Variants in INTU observed in about 807,000 individuals in gnomAD.
INTU encodes the protein inturned planar cell polarity protein, also known as protein inturned.
In INTU, 68 loss-of-function variants were observed where a neutral mutation model predicts 100.5. That is an observed-to-expected ratio of 0.68 (90% CI 0.56 to 0.83). The LOEUF (loss-of-function observed/expected upper bound fraction) is 0.83, where lower values mean the gene tolerates loss of function less well. Among genes scored for constraint, INTU ranks in the 40% least tolerant of loss-of-function variants. INTU has a pLI of 0.00. For synonymous variants in INTU, 357 were observed against 395.7 expected, an observed-to-expected ratio of 0.90 and a Z score of 1.16; for missense variants, 1,071 against 1,114.7, an observed-to-expected ratio of 0.96 and a Z score of 0.56.
chr4:127,691,322 T>C (rs1730112042), intron 8 of INTU, among the ~76,000 whole-genome samples: 2 of 152,148 alleles, frequency 1.3e-5, no homozygotes, highest in South Asian at 4.1e-4. Context: ...GAATGTTTAG[T>C]TTTGTAAGAA....
At position 127,633,085 on chromosome 4, in the gene INTU, T is replaced by A; in HGVS notation, c.51T>A (p.Pro17=). Residue 17 remains proline, a synonymous_variant, in exon 1 of 16, where the codon CCT becomes CCA. Coordinates refer to ENST00000335251, the MANE Select transcript of INTU (RefSeq NM_015693.4). The stretch of plus-strand genomic sequence containing the variant: ...CGCGTCCGAGCTCAGACGAGCTCCC[T>A]GGAGACCCCTCTTCACAAGAAGAAG... ...CDSRPSSDEL[P]GDPSSQEEDE... The A allele has an allele frequency of 8.7e-6, 14 of 1,614,060 alleles. No homozygotes were observed. The highest frequency in any genetic ancestry group is 1.2e-5 in the Non-Finnish European group (14 of 1,179,886).
chr4:127,724,151 G>T lies in INTU; in HGVS notation c.*7715G>T, dbSNP rs929404490. On this transcript the variant is annotated 3_prime_UTR_variant, in exon 16 of 16. Coordinates refer to ENST00000335251, the MANE Select transcript of INTU (RefSeq NM_015693.4). ...TACTAATTTTTGGCCGGGCACGGTG[G>T]TGGCTCACGCCTGTAATCCCAGCAC... 1 of 152,050 alleles carries T rather than the reference G, an allele frequency of 6.6e-6. No individual in the cohort carries two copies. Among genetic ancestry groups the T allele is most frequent in the African/African-American group, 2.4e-5 (1 of 41,380 alleles). The allele number at this position is 152,050 out of a possible 1,614,324, so 9.4% of individuals were successfully genotyped here.
At chr4:127,667,623 G>T (rs1176146772) in intron 4 of INTU, among the ~76,000 whole-genome samples, 1 of 151,994 alleles carries the variant, frequency 6.6e-6, no homozygotes, top group Admixed American at 6.6e-5. Flanking sequence ...TTAAAGTAGT[G>T]TATGGTATTT....
chr4:127,679,535 A>C (rs1395881239), intron 6 of INTU, among the ~76,000 whole-genome samples: 1 of 152,202 alleles, frequency 6.6e-6, no homozygotes, highest in African/African-American at 2.4e-5. Flanking sequence ...GGCAGAAATA[A>C]AGATGTTCTT....
chr4:127,662,358 G>A (rs548154725), intron 3 of INTU, among the ~76,000 whole-genome samples: 21 of 152,158 alleles, frequency 1.4e-4, no homozygotes, highest in Middle Eastern at 6.8e-3. Context: ...GCCTATGCCA[G>A]TATCCAAAGA....
intron 6 of INTU, among the ~76,000 whole-genome samples, chr4:127,677,713 C>T (rs191850640): frequency 3.8e-4 from 58 of 152,268 alleles, no homozygotes; most frequent in African/African-American, 7.2e-5. Context: ...TCCAAAGGAA[C>T]GCAGCTCCTC....
intron 6 of INTU, among the ~76,000 whole-genome samples, chr4:127,681,614 A>G (rs1490432645): frequency 6.6e-6 from 1 of 152,248 alleles, no homozygotes; most frequent in East Asian, 1.9e-4. Flanking sequence ...AAGATGGATT[A>G]AAGACTTAAA....
chr4:127,684,532 C>A, intron 7 of INTU, 46 bp downstream of exon 7: 1 of 1,102,180 alleles, frequency 9.1e-7, no homozygotes, highest in Non-Finnish European at 1.3e-6. Flanking sequence ...TTATGTGATT[C>A]TAAGTCATCT....
intron 1 of INTU, among the ~76,000 whole-genome samples, chr4:127,641,381 G>T (rs1424961305): frequency 6.6e-6 from 1 of 152,160 alleles, no homozygotes; most frequent in Non-Finnish European, 1.5e-5. Context: ...CATTTACTCT[G>T]ACAACTGCAG....
chr4:127,657,919 C>T (rs1242142331), intron 3 of INTU, among the ~76,000 whole-genome samples: 1 of 151,964 alleles, frequency 6.6e-6, no homozygotes, highest in Non-Finnish European at 1.5e-5. Context: ...GTCCCCCAAC[C>T]CTGGTCTGTG....
chr4:127,697,946 C>T (rs1404385317), intron 8 of INTU, among the ~76,000 whole-genome samples: 3 of 152,084 alleles, frequency 2.0e-5, no homozygotes, highest in Non-Finnish European at 4.4e-5. Context: ...CATGGAGAAA[C>T]CCCGTCTCTA....
intron 6 of INTU, among the ~76,000 whole-genome samples, chr4:127,679,061 A>G (rs1729379506): frequency 6.6e-6 from 1 of 152,072 alleles, no homozygotes; most frequent in South Asian, 2.1e-4. Context: ...AACTATCCTA[A>G]ATATATATGC....
chr4:127,721,556 A>G lies in INTU; in HGVS notation c.*5120A>G, dbSNP rs933199052. On this transcript the variant is annotated 3_prime_UTR_variant, in exon 16 of 16. Transcript: ENST00000335251. ...GAAGTTTTCCTGGATGATATCCAGA[A>G]GTGTGTTTTCCAACTTGGTTCCATT... is the stretch of plus-strand genomic sequence containing the variant. 6.6e-6 allele frequency: 1 copy of G among 152,208 alleles called. No individual in the cohort carries two copies. Among genetic ancestry groups the G allele is most frequent in the African/African-American group, 2.4e-5 (1 of 41,450 alleles). The allele number at this position is 152,208 out of a possible 1,614,324, so 9.4% of individuals were successfully genotyped here.
chr4:127,650,123 T>A (rs1364873128), intron 2 of INTU, among the ~76,000 whole-genome samples: 2 of 152,200 alleles, frequency 1.3e-5, no homozygotes, highest in East Asian at 1.9e-4. Flanking sequence ...TAGACATAGA[T>A]CAATAACAGA....
intron 3 of INTU, 87 bp from the exon 4 acceptor site, chr4:127,663,294 G>T: frequency 1.1e-6 from 1 of 884,248 alleles, no homozygotes. Context: ...ATACCTGGGT[G>T]TATGTACATG....
rs956010937 is a variant in INTU at position 127,724,707 on chromosome 4, C to T, written c.*8271C>T. 6.6e-6 allele frequency: 1 copy of T among 152,154 alleles called. No individual in the cohort carries two copies. The highest frequency in any genetic ancestry group is 1.5e-5 in the Non-Finnish European group (1 of 68,028). The allele number at this position is 152,154 out of a possible 1,614,324, so 9.4% of individuals were successfully genotyped here. A position where few individuals can be genotyped will look rare whatever the true frequency, so the allele number is the denominator to read the frequency against. The stretch of plus-strand genomic sequence containing the variant: ...AGCTGTTTCTTCTCCAGGTCTTAAG[C>T]TTTGAATACAAGCTATACCAGCACA... On this transcript the variant is annotated 3_prime_UTR_variant, in exon 16 of 16. Transcript: ENST00000335251.
intron 6 of INTU, among the ~76,000 whole-genome samples, chr4:127,674,698 G>C (rs958779599): frequency 2.0e-5 from 3 of 152,038 alleles, no homozygotes; most frequent in African/African-American, 7.2e-5. Context: ...TAACTTTTTT[G>C]TGAGTATTTT....
chr4:127,683,397 C>T (rs553503330), intron 6 of INTU, among the ~76,000 whole-genome samples: 1 of 152,276 alleles, frequency 6.6e-6, no homozygotes, highest in Admixed American at 6.5e-5. Context: ...GTAGTATTCT[C>T]ATTTATTCAA....
At chr4:127,697,222 C>T (rs1730431668) in intron 8 of INTU, among the ~76,000 whole-genome samples, 1 of 152,138 alleles carries the variant, frequency 6.6e-6, no homozygotes, top group Admixed American at 6.6e-5. Flanking sequence ...ACCATCGCCG[C>T]AATCAATTTT....
Sources: gnomAD v4.1 joint callset for allele counts (sites outside exome capture counted in the v4.1 genomes callset) on GRCh38, gnomAD v4.1.1 for gene constraint, MANE v1.5 for transcripts, NCBI Gene and HGNC (gene_info 2026-07-23, HGNC 2026-07-21) for gene names.